Variants in KCNB2 observed in about 807,000 individuals in gnomAD.
KCNB2 encodes the protein potassium voltage-gated channel subfamily B member 2.
Under a neutral mutation model 61.5 loss-of-function variants are expected in KCNB2, and 15 were observed. The ratio of observed to expected loss-of-function variants is 0.24; its 90% CI spans 0.16 to 0.38. KCNB2 has a LOEUF of 0.38. KCNB2 is among the 10% of genes least tolerant of loss of function. The pLI is 1.00. For missense variants in KCNB2, 828 were observed against 1,125.2 expected (o/e 0.74, Z 3.78); for synonymous variants, 457 against 446.0 (o/e 1.02, Z -0.31).
At chr8:72,838,811 T>C (rs1404079251) in intron 2 of KCNB2, among the ~76,000 whole-genome samples, 1 of 38,620 alleles carries the variant, frequency 2.6e-5, no homozygotes, top group Non-Finnish European at 1.2e-4. Context: ...GGTTAAAGAA[T>C]ATAAAAATCC....
In KCNB2 at chr8:72,938,266, T is replaced by C; in HGVS notation, c.*175T>C. On this transcript the variant is annotated 3_prime_UTR_variant, in exon 3 of 3. Transcript: ENST00000523207. The stretch of plus-strand genomic sequence containing the variant: ...TTTAGCTTAAGTACTGTTTAAATAA[T>C]GAGTCAAGACTGCATTTTGTAACAA... The C allele has an allele frequency of 1.7e-6, 1 of 578,320 alleles. No homozygotes were observed. Among genetic ancestry groups the C allele is most frequent in the East Asian group, 2.9e-5 (1 of 35,048 alleles). The allele number at this position is 578,320 out of a possible 1,614,324, so 35.8% of individuals were successfully genotyped here.
Position 72,937,497 on chromosome 8 carries a change from C to T in KCNB2, c.2142C>T (p.Ser714=), listed in dbSNP as rs1169096947. Residue 714 remains serine (S), a synonymous_variant, in exon 3 of 3, where the codon TCC becomes TCT. Transcript: ENST00000523207. ...GCAGCAACCCACTAAAGTCCAGATC[C>T]CTCAAAGTGAACTTTAAGGAAAATA... The part of the protein sequence containing the change: ...LKGSNPLKSR[S]LKVNFKENRG... 2 of 1,613,764 alleles carry T rather than the reference C, an allele frequency of 1.2e-6. No homozygotes were observed. The highest frequency in any genetic ancestry group is 2.2e-5 in the South Asian group (2 of 91,060).
Position 72,537,235 on chromosome 8 carries a change from G to A in KCNB2, c.-744G>A, listed in dbSNP as rs1052609935. Among the ~76,000 whole-genome samples the A allele has an allele frequency of 2.0e-5, 3 of 151,132 alleles. No individual in the cohort carries two copies. Among genetic ancestry groups the A allele is most frequent in the South Asian group, 2.1e-4 (1 of 4,836 alleles). On this transcript the variant is annotated 5_prime_UTR_variant, in exon 1 of 3. In the 5' UTR this introduces an upstream ATG that the reference lacks. Coordinates refer to ENST00000523207, the MANE Select transcript of KCNB2 (RefSeq NM_004770.3). Reference sequence around the variant, plus strand: ...GAGGCTGGGGTGGCCGCAGCCCTGTGTGCGCGCCGGGCCGGCTAGCTGCGG... The same window carrying A: ...GAGGCTGGGGTGGCCGCAGCCCTGTATGCGCGCCGGGCCGGCTAGCTGCGG...
At chr8:72,746,801 T>C (rs970215578) in intron 2 of KCNB2, among the ~76,000 whole-genome samples, 3 of 152,118 alleles carry the variant, frequency 2.0e-5, no homozygotes, top group Admixed American at 6.6e-5. Context: ...AGCCACAAAA[T>C]TGAATCACCC....
chr8:72,548,393 T>C (rs1806292561), intron 1 of KCNB2, among the ~76,000 whole-genome samples: 1 of 152,204 alleles, frequency 6.6e-6, no homozygotes, highest in Non-Finnish European at 1.5e-5. Context: ...CTGTTGGATA[T>C]TGTTAAAGGC....
chr8:72,622,252 A>AT (rs754667387), intron 2 of KCNB2, among the ~76,000 whole-genome samples: 10 of 152,192 alleles, frequency 6.6e-5, no homozygotes, highest in Non-Finnish European at 1.5e-4. Context: ...GGTTATAGAC[A>AT]TTTTAAGTGG....
chr8:72,639,176 G>A (rs932299257), intron 2 of KCNB2, among the ~76,000 whole-genome samples: 7 of 152,114 alleles, frequency 4.6e-5, no homozygotes, highest in Admixed American at 6.6e-5. Context: ...CCCTGACCTT[G>A]GAAACTGATG....
At chr8:72,584,953 G>A (rs10095345) in intron 2 of KCNB2, among the ~76,000 whole-genome samples, 17,676 of 152,048 alleles carry the variant, frequency 0.12, 1,420 homozygotes, top group East Asian at 0.48. Flanking sequence ...GGTTGAAGTC[G>A]TTTGGAGGAG....
chr8:72,707,974 G>A (rs1054961889), intron 2 of KCNB2, among the ~76,000 whole-genome samples: 4 of 152,194 alleles, frequency 2.6e-5, no homozygotes, highest in African/African-American at 9.6e-5. Context: ...AAGGCCTGAA[G>A]AGTTGAGGAA....
intron 2 of KCNB2, among the ~76,000 whole-genome samples, chr8:72,779,560 TG>T (rs1488167120): frequency 1.9e-4 from 29 of 152,218 alleles, no homozygotes; most frequent in Admixed American, 1.9e-3. Context: ...ATATCTGACA[TG>T]GTTCTTCAAT....
chr8:72,854,578 G>T (rs978122489), intron 2 of KCNB2, among the ~76,000 whole-genome samples: 4 of 152,156 alleles, frequency 2.6e-5, no homozygotes, highest in African/African-American at 9.7e-5. Flanking sequence ...GCCCTCTTCA[G>T]GTGCAGTGTA....
chr8:72,684,691 TAA>T (rs1433628172), intron 2 of KCNB2, among the ~76,000 whole-genome samples: 1 of 152,192 alleles, frequency 6.6e-6, no homozygotes, highest in Non-Finnish European at 1.5e-5. Flanking sequence ...ATGTTAGATT[TAA>T]AAAGAGTATT....
chr8:72,652,386 GA>G (rs1806226222), intron 2 of KCNB2, among the ~76,000 whole-genome samples: 1 of 151,982 alleles, frequency 6.6e-6, no homozygotes, highest in African/African-American at 2.4e-5. Context: ...ACTACTGCAA[GA>G]GCTATCTACC....
chr8:72,559,029 G>C (rs1197115066), intron 1 of KCNB2, among the ~76,000 whole-genome samples: 7 of 152,126 alleles, frequency 4.6e-5, no homozygotes, highest in Non-Finnish European at 8.8e-5. Context: ...GAGGGCTGGG[G>C]GGAGCAGCAA....
At chr8:72,711,736 T>A (rs562927022) in intron 2 of KCNB2, among the ~76,000 whole-genome samples, 12 of 130,916 alleles carry the variant, frequency 9.2e-5, no homozygotes, top group African/African-American at 3.9e-4. Flanking sequence ...ACGCCTGTAA[T>A]CCCAGCACTT....
chr8:72,748,740 A>G (rs1202995906), intron 2 of KCNB2, among the ~76,000 whole-genome samples: 2 of 151,072 alleles, frequency 1.3e-5, no homozygotes, highest in African/African-American at 4.9e-5. Context: ...ATTTTTATTG[A>G]CAACAATATT....
At chr8:72,832,917 G>T (rs919637056) in intron 2 of KCNB2, among the ~76,000 whole-genome samples, 2 of 152,118 alleles carry the variant, frequency 1.3e-5, no homozygotes, top group African/African-American at 4.8e-5. Context: ...AAGGCTATTT[G>T]CTATATAAAC....
At chr8:72,545,482 T>C (rs868729950) in intron 1 of KCNB2, among the ~76,000 whole-genome samples, 1 of 152,224 alleles carries the variant, frequency 6.6e-6, no homozygotes, top group Middle Eastern at 3.2e-3. Context: ...ATCAGTGATA[T>C]TTGGGGCACC....
intron 2 of KCNB2, among the ~76,000 whole-genome samples, chr8:72,575,990 A>C (rs1164698872): frequency 1.3e-5 from 2 of 152,120 alleles, no homozygotes; most frequent in Non-Finnish European, 2.9e-5. Context: ...TAACAGAGAG[A>C]CTCTGTCTGT....
Sources: gnomAD v4.1 joint callset for allele counts (sites outside exome capture counted in the v4.1 genomes callset) on GRCh38, gnomAD v4.1.1 for gene constraint, MANE v1.5 for transcripts, NCBI Gene and HGNC (gene_info 2026-07-23, HGNC 2026-07-21) for gene names.